The following C1orf226 variants were observed in gnomAD, a reference collection of about 807,000 sequenced individuals.
The protein encoded by C1orf226 is chromosome 1 open reading frame 226.
Under a neutral mutation model 10.5 loss-of-function variants are expected in C1orf226, and 4 were observed. That is an observed-to-expected ratio of 0.38 (90% CI 0.19 to 0.87). The LOEUF (loss-of-function observed/expected upper bound fraction) is 0.87. Ranked by LOEUF, C1orf226 falls within the 40% of genes least tolerant of loss-of-function variation. C1orf226 has a pLI of 0.41. For synonymous variants in C1orf226, 125 were observed against 139.3 expected (o/e 0.90, Z 0.72); for missense variants, 313 against 336.2 (o/e 0.93, Z 0.54).
At position 162,383,630 on chromosome 1, in the gene C1orf226, A is replaced by G. The variant is rs1215369556; in HGVS notation, c.766A>G (p.Thr256Ala). ...EDGSPPPQARTSSLDNEGPHP... is the reference protein window; with the variant it reads ...EDGSPPPQARASSLDNEGPHP... ...TGGCAGCCCCCCTCCTCAGGCACGG[A>G]CCTCCAGCCTCGACAATGAGGGCCC... The change falls in exon 2 of 2, where the codon ACC becomes GCC. Residue 256 changes from threonine to alanine, a missense_variant. Transcript: ENST00000458626. 1 of 1,609,306 alleles carries G rather than the reference A, an allele frequency of 6.2e-7. No individual in the cohort carries two copies. Among genetic ancestry groups the G allele is most frequent in the East Asian group, 2.2e-5 (1 of 44,716 alleles).
At chr1:162,379,974 T>G (rs1647857026), upstream of C1orf226, among the ~76,000 whole-genome samples, 1 of 152,220 alleles carries the variant, frequency 6.6e-6, no homozygotes, top group Non-Finnish European at 1.5e-5. Context: ...ATGTACTTTC[T>G]GGTTTGGGGG....
Position 162,383,735 on chromosome 1 carries a change from C to T in C1orf226, c.*52C>T. On this transcript the variant is annotated 3_prime_UTR_variant, in exon 2 of 2. Transcript: ENST00000458626. ...TGCCCTTGTCTTCCTGCTGCTTTCT[C>T]CTCCACTGCGCACACTGGCCCTGGC... 6.6e-7 allele frequency: 1 copy of T among 1,521,192 alleles called. No homozygotes were observed. Among genetic ancestry groups the T allele is most frequent in the Non-Finnish European group, 8.8e-7 (1 of 1,138,728 alleles). The allele number at this position is 1,521,192 out of a possible 1,614,324, so 94.2% of individuals were successfully genotyped here. A position where few individuals can be genotyped will look rare whatever the true frequency, so the allele number is the denominator to read the frequency against.
chr1:162,379,027 G>A, upstream of C1orf226: 3 of 1,545,242 alleles, frequency 1.9e-6, no homozygotes, highest in East Asian at 4.9e-5. Flanking sequence ...CCCTTTCTCG[G>A]ACAGGTAAGA....
chr1:162,379,383 TG>T (rs1404012344), upstream of C1orf226, among the ~76,000 whole-genome samples: 1 of 152,162 alleles, frequency 6.6e-6, no homozygotes, highest in African/African-American at 2.4e-5. Context: ...GAGGGAGTTT[TG>T]AGTGGTTTTT....
Position 162,385,834 on chromosome 1 carries a change from C to G in C1orf226, c.*2151C>G, listed in dbSNP as rs563755517. ...CTCTGGGGCTTCTCCTCTCCTGGAGCCCAGGGCGGCTCTGGCCCGATGATA... is the reference window on the plus strand; with the variant it reads ...CTCTGGGGCTTCTCCTCTCCTGGAGGCCAGGGCGGCTCTGGCCCGATGATA... On this transcript the variant is annotated 3_prime_UTR_variant, in exon 2 of 2. Coordinates refer to ENST00000458626, the MANE Select transcript of C1orf226 (RefSeq NM_001085375.2). 1 of 152,340 alleles carries G rather than the reference C, an allele frequency of 6.6e-6. No homozygotes were observed. The highest frequency in any genetic ancestry group is 1.9e-4 in the East Asian group (1 of 5,170). 9.4% of individuals were successfully genotyped at this position (152,340 alleles called of 1,614,324 possible).
At chr1:162,382,664 T>C (rs1021907272) in intron 1 of C1orf226, among the ~76,000 whole-genome samples, 1 of 152,108 alleles carries the variant, frequency 6.6e-6, no homozygotes, top group Non-Finnish European at 1.5e-5. Flanking sequence ...GGTCCCCAGG[T>C]AGATTCTGAT....
chr1:162,381,287 T>C (rs1571262712), upstream of C1orf226, among the ~76,000 whole-genome samples: 1 of 152,250 alleles, frequency 6.6e-6, no homozygotes, highest in East Asian at 1.9e-4. Context: ...TGGCACCGAG[T>C]TCCTATCCAT....
chr1:162,382,351 T>A, intron 1 of C1orf226, 133 bp downstream of exon 1: 1 of 1,198,826 alleles, frequency 8.3e-7, no homozygotes, highest in Non-Finnish European at 1.1e-6. Flanking sequence ...ACTGAAAAGC[T>A]GCAGGATCAG....
chr1:162,384,101 C>A lies in C1orf226; in HGVS notation c.*418C>A. On this transcript the variant is annotated 3_prime_UTR_variant, in exon 2 of 2. Transcript: ENST00000458626. ...CCCCTGCTGTTCTCCCTCCCACACC[C>A]CTGTCCCTTCTCTCTCCTCCTTGAT... 5.5e-6 allele frequency: 1 copy of A among 181,936 alleles called. No homozygotes were observed. The highest frequency in any genetic ancestry group is 1.1e-5 in the Non-Finnish European group (1 of 87,288). The allele number at this position is 181,936 out of a possible 1,614,324, so 11.3% of individuals were successfully genotyped here. A position where few individuals can be genotyped will look rare whatever the true frequency, so the allele number is the denominator to read the frequency against.
rs1648014126 is a variant in C1orf226, at chr1:162,383,796, A to T, written c.*113A>T. Reference sequence around the variant, plus strand: ...CTGTGCCCTTTGTCTTCCTTGTATGAGGCACCAGCAGAGAGCCAGTCGTCC... The same window carrying T: ...CTGTGCCCTTTGTCTTCCTTGTATGTGGCACCAGCAGAGAGCCAGTCGTCC... On this transcript the variant is annotated 3_prime_UTR_variant, in exon 2 of 2. Coordinates refer to ENST00000458626, the MANE Select transcript of C1orf226 (RefSeq NM_001085375.2). The T allele has an allele frequency of 9.4e-7, 1 of 1,065,032 alleles. No homozygotes were observed. The allele number at this position is 1,065,032 out of a possible 1,614,324, so 66.0% of individuals were successfully genotyped here. A position where few individuals can be genotyped will look rare whatever the true frequency, so the allele number is the denominator to read the frequency against.
In C1orf226 at chr1:162,383,589, C is replaced by T; in HGVS notation, c.725C>T (p.Ala242Val). The T allele has an allele frequency of 6.2e-7, 1 of 1,605,900 alleles. No homozygotes were observed. Among genetic ancestry groups the T allele is most frequent in the South Asian group, 1.1e-5 (1 of 89,398 alleles). Reference sequence around the variant, plus strand: ...CTCAGCTTGAGCCCCATCAGCCTGGCTGAGTCCTGGGAGGATGGCAGCCCC... The same window carrying T: ...CTCAGCTTGAGCCCCATCAGCCTGGTTGAGTCCTGGGAGGATGGCAGCCCC... ...FKLSLSPISL[A>V]ESWEDGSPPP... is the part of the protein sequence containing the mutation. Residue 242 changes from alanine (A) to valine (V), a missense_variant, in exon 2 of 2, where the codon GCT becomes GTT. Coordinates refer to ENST00000458626, the MANE Select transcript of C1orf226 (RefSeq NM_001085375.2).
upstream of C1orf226, among the ~76,000 whole-genome samples, chr1:162,381,072 G>A (rs958162613): frequency 7.2e-5 from 11 of 152,166 alleles, no homozygotes; most frequent in African/African-American, 1.4e-4. Context: ...GCAAAGTTGT[G>A]GACAGAGCCC....
At position 162,381,891 on chromosome 1, in the gene C1orf226, T is replaced by C. The variant is rs778309498; in HGVS notation, c.-11T>C. On this transcript the variant is annotated 5_prime_UTR_variant, in exon 1 of 2. Coordinates refer to ENST00000458626, the MANE Select transcript of C1orf226 (RefSeq NM_001085375.2). The stretch of plus-strand genomic sequence containing the variant: ...CTCTCTGTCGCCTCTTTGTTCATAG[T>C]TGACCACGGCATGTTTGAGAATTTG... 19 of 1,612,374 alleles carry C rather than the reference T, an allele frequency of 1.2e-5. No individual in the cohort carries two copies. Among genetic ancestry groups the C allele is most frequent in the Admixed American group, 3.3e-5 (2 of 59,880 alleles).
At chr1:162,379,956 T>C (rs1404724567), upstream of C1orf226, among the ~76,000 whole-genome samples, 1 of 152,216 alleles carries the variant, frequency 6.6e-6, no homozygotes, top group African/African-American at 2.4e-5. Flanking sequence ...ACAGTTTCAT[T>C]GTTGTCTATG....
At chr1:162,383,054 C>G in intron 1 of C1orf226, 128 bp from the exon 2 acceptor site, 1 of 880,858 alleles carries the variant, frequency 1.1e-6, no homozygotes, top group South Asian at 1.8e-5. Flanking sequence ...AACCAGAGCC[C>G]AAGGAGTAGA....
At position 162,384,355 on chromosome 1, in the gene C1orf226, G is replaced by C; in HGVS notation, c.*672G>C. 6.6e-6 allele frequency: 1 copy of C among 152,320 alleles called. No individual in the cohort carries two copies. Among genetic ancestry groups the C allele is most frequent in the East Asian group, 1.9e-4 (1 of 5,196 alleles). The allele number at this position is 152,320 out of a possible 1,614,324, so 9.4% of individuals were successfully genotyped here. On this transcript the variant is annotated 3_prime_UTR_variant, in exon 2 of 2. Transcript: ENST00000458626. The stretch of plus-strand genomic sequence containing the variant: ...CTGAGACCTTGAGAGTTCACCCAGG[G>C]TTTGAACGCTGCCACCCAGGGTTCC...
Position 162,386,098 on chromosome 1 carries a change from C to G in C1orf226, c.*2415C>G, listed in dbSNP as rs1648099195. On this transcript the variant is annotated 3_prime_UTR_variant, in exon 2 of 2. Coordinates refer to ENST00000458626, the MANE Select transcript of C1orf226 (RefSeq NM_001085375.2). ...TAACTGCCTACAACCTGCCCGTCCC[C>G]CTGCTGCAGGGATGTTGCTGCTACC... 1 of 153,140 alleles carries G rather than the reference C, an allele frequency of 6.5e-6. No homozygotes were observed. Among genetic ancestry groups the G allele is most frequent in the African/African-American group, 2.4e-5 (1 of 41,578 alleles). The allele number at this position is 153,140 out of a possible 1,614,324, so 9.5% of individuals were successfully genotyped here. A position where few individuals can be genotyped will look rare whatever the true frequency, so the allele number is the denominator to read the frequency against.
rs1354336541 is a variant in C1orf226 at position 162,381,797 on chromosome 1, G to A, written c.-105G>A. 1 of 1,522,916 alleles carries A rather than the reference G, an allele frequency of 6.6e-7. No individual in the cohort carries two copies. The highest frequency in any genetic ancestry group is 1.4e-5 in the African/African-American group (1 of 71,108). The allele number at this position is 1,522,916 out of a possible 1,614,324, so 94.3% of individuals were successfully genotyped here. ...ATTTCCAAAGCCTTGGAAGTTACAG[G>A]TTTTGGGTGTGGGATAAGGAAAAAC... On this transcript the variant is annotated 5_prime_UTR_variant, in exon 1 of 2. Transcript: ENST00000458626.
At chr1:162,383,105 T>C (rs933913249) in intron 1 of C1orf226, 77 bp from the exon 2 acceptor site, 16 of 1,422,354 alleles carry the variant, frequency 1.1e-5, no homozygotes, top group Admixed American at 9.0e-5. Flanking sequence ...CAGTTGGAGT[T>C]GGAGAAGCAA....
Sources: allele counts gnomAD v4.1 joint callset (sites outside exome capture counted in the v4.1 genomes callset), GRCh38; gene constraint gnomAD v4.1.1; transcripts MANE v1.5; gene names NCBI Gene and HGNC (gene_info 2026-07-23, HGNC 2026-07-21).